The following GCLM variants were observed in gnomAD, a reference collection of about 807,000 sequenced individuals.
The protein encoded by GCLM is glutamate-cysteine ligase modifier subunit, also known as glutamate--cysteine ligase regulatory subunit.
In GCLM, 15 loss-of-function variants were observed where a neutral mutation model predicts 36.0. The observed-to-expected ratio is 0.42, with a 90% CI of 0.28 to 0.64. The LOEUF (loss-of-function observed/expected upper bound fraction) is 0.64, where lower values mean the gene tolerates loss of function less well. Among genes scored for constraint, GCLM ranks in the 30% least tolerant of loss-of-function variants. The pLI is 0.25. For missense variants in GCLM, 242 were observed against 325.5 expected (o/e 0.74, Z 1.97); for synonymous variants, 129 against 122.8 (o/e 1.05, Z -0.34).
At chr1:93,889,191 C>T (rs755118648) in intron 6 of GCLM, 32 bp from the exon 7 acceptor site, 5 of 1,482,626 alleles carry the variant, frequency 3.4e-6, no homozygotes, top group Admixed American at 2.6e-5. Context: ...AAAACTCCAG[C>T]GTGTTAAATT....
At position 93,885,495 on chromosome 1, in the gene GCLM, T is replaced by C. The variant is rs965181640; in HGVS notation, c.*3495A>G. The stretch of plus-strand genomic sequence containing the variant: ...TTCCTATGTTTCTAATTCTGAAAAC[T>C]ATAAAAATATTAAAGTCATGTTACA... On this transcript the variant is annotated 3_prime_UTR_variant, in exon 7 of 7. Transcript: ENST00000370238. 1.4e-5 allele frequency: 2 copies of C among 140,938 alleles called. No individual in the cohort carries two copies. Among genetic ancestry groups the C allele is most frequent in the Non-Finnish European group, 3.2e-5 (2 of 63,198 alleles). The allele number at this position is 140,938 out of a possible 1,614,324, so 8.7% of individuals were successfully genotyped here.
At position 93,897,828 on chromosome 1, in the gene GCLM, T is replaced by C. The variant is rs1365531424; in HGVS notation, c.337+11A>G. 2 of 1,497,316 alleles carry C rather than the reference T, an allele frequency of 1.3e-6. No individual in the cohort carries two copies. Among genetic ancestry groups the C allele is most frequent in the Non-Finnish European group, 1.8e-6 (2 of 1,106,584 alleles). 92.8% of individuals were successfully genotyped at this position (1,497,316 alleles called of 1,614,324 possible). On this transcript the variant is annotated intron_variant, in intron 4 of 6. Coordinates refer to ENST00000370238, the MANE Select transcript of GCLM (RefSeq NM_002061.4). ...TCCACTATTAAGATAAAAAATTCAG[T>C]TTTTGCTTACCCATGTCAACTGCAC...
At chr1:93,894,828 G>GA (rs928303286) in intron 5 of GCLM, 100 bp from the exon 6 acceptor site, 5 of 632,618 alleles carry the variant, frequency 7.9e-6, no homozygotes, top group African/African-American at 7.4e-5. Flanking sequence ...TAGAACATAT[G>GA]AAAAATCACA....
intron 1 of GCLM, among the ~76,000 whole-genome samples, chr1:93,905,545 G>A (rs1314451550): frequency 6.6e-6 from 1 of 152,132 alleles, no homozygotes; most frequent in African/African-American, 2.4e-5. Context: ...TGACACTCCA[G>A]AAGTCATTTC....
chr1:93,901,146 G>GT (rs544353776), intron 3 of GCLM, among the ~76,000 whole-genome samples: 98 of 152,292 alleles, frequency 6.4e-4, no homozygotes, highest in African/African-American at 2.3e-3. Flanking sequence ...GGGTGTTACA[G>GT]TATTTTCTTT....
In GCLM at chr1:93,909,050, C is replaced by G. The variant is rs1024281562; in HGVS notation, c.114G>C (p.Thr38=). ...WGRLRKKCPS[T]HSEELHDCIQ... Reference sequence around the variant, plus strand: ...TCGCCACGCTCACCTCCTCGCTGTGCGTGGACGGGCACTTCTTCCGCAGGC... The same window carrying G: ...TCGCCACGCTCACCTCCTCGCTGTGGGTGGACGGGCACTTCTTCCGCAGGC... Residue 38 remains threonine, a synonymous_variant, in exon 1 of 7, where the codon ACG becomes ACC. Coordinates refer to ENST00000370238, the MANE Select transcript of GCLM (RefSeq NM_002061.4). 6.8e-7 allele frequency: 1 copy of G among 1,471,988 alleles called. No homozygotes were observed. The highest frequency in any genetic ancestry group is 9.0e-7 in the Non-Finnish European group (1 of 1,117,032). The allele number at this position is 1,471,988 out of a possible 1,614,324, so 91.2% of individuals were successfully genotyped here.
chr1:93,895,406 T>C (rs1160417734), intron 5 of GCLM, among the ~76,000 whole-genome samples: 1 of 152,178 alleles, frequency 6.6e-6, no homozygotes, highest in Non-Finnish European at 1.5e-5. Context: ...TGTTAGTTTG[T>C]TAAGTGTGAT....
chr1:93,900,354 C>T (rs777163386), intron 3 of GCLM, among the ~76,000 whole-genome samples: 5 of 121,332 alleles, frequency 4.1e-5, no homozygotes, highest in African/African-American at 8.4e-5. Flanking sequence ...AATCTCAAGC[C>T]CTCTAGGAAC....
Position 93,889,032 on chromosome 1 carries a change from T to C in GCLM, c.783A>G (p.Lys261=). 1.2e-6 allele frequency: 2 copies of C among 1,600,870 alleles called. No individual in the cohort carries two copies. The highest frequency in any genetic ancestry group is 1.1e-5 in the South Asian group (1 of 89,082). ...SVIVKSRGII[K]SKGYILQAKR... is the part of the protein sequence containing the mutation. ...TAGCTTGTAAAATGTAGCCTTTTGA[T>C]TTGATAATTCCTCTACTTTTCACAA... Residue 261 remains lysine (K), a synonymous_variant, in exon 7 of 7, where the codon AAA becomes AAG. Transcript: ENST00000370238.
In GCLM at chr1:93,886,666, T is replaced by C. The variant is rs1228577080; in HGVS notation, c.*2324A>G. 6.9e-6 allele frequency: 1 copy of C among 145,640 alleles called. No homozygotes were observed. The highest frequency in any genetic ancestry group is 1.5e-5 in the Non-Finnish European group (1 of 67,180). 9.0% of individuals were successfully genotyped at this position (145,640 alleles called of 1,614,324 possible). On this transcript the variant is annotated 3_prime_UTR_variant, in exon 7 of 7. Transcript: ENST00000370238. ...CCAAAAAGCTCTGCTGAAGTTTAGA[T>C]ACATTAGCAACTAAGTTTTTTTTTC... is the stretch of plus-strand genomic sequence containing the variant.
At chr1:93,909,014 C>T in intron 1 of GCLM, 24 bp downstream of exon 1, 1 of 1,439,152 alleles carries the variant, frequency 6.9e-7, no homozygotes, top group Non-Finnish European at 9.1e-7. Context: ...CCGGGAGCCC[C>T]GCGGCGAGTG....
At chr1:93,897,921 C>T in intron 3 of GCLM, 23 bp from the exon 4 acceptor site, 3 of 1,374,088 alleles carry the variant, frequency 2.2e-6, no homozygotes, top group Non-Finnish European at 3.0e-6. Flanking sequence ...GAAAACAAAA[C>T]TGATTACTAC....
chr1:93,890,475 G>A (rs1261645356), intron 6 of GCLM, among the ~76,000 whole-genome samples: 4 of 152,030 alleles, frequency 2.6e-5, no homozygotes, highest in Non-Finnish European at 5.9e-5. Flanking sequence ...TTTTAAAAAT[G>A]AAAACACCAA....
chr1:93,909,163 T>TG lies in GCLM; in HGVS notation c.-1dup, dbSNP rs1399150608. 3.4e-5 allele frequency: 45 copies of TG among 1,321,322 alleles called. No homozygotes were observed. Among genetic ancestry groups the TG allele is most frequent in the Non-Finnish European group, 4.2e-5 (43 of 1,034,294 alleles). The allele number at this position is 1,321,322 out of a possible 1,614,324, so 81.8% of individuals were successfully genotyped here. ...TTGGCCGCGCGGCTGTCGGTGCCCA[T>TG]GGCAGCGGCCGCCCAGGGGCCGCGC... On this transcript the variant is annotated 5_prime_UTR_variant, in exon 1 of 7. Transcript: ENST00000370238.
Position 93,887,836 on chromosome 1 carries a change from GGA to G in GCLM, c.*1152_*1153del, listed in dbSNP as rs1037339611. The G allele has an allele frequency of 1.3e-5, 2 of 152,120 alleles. No individual in the cohort carries two copies. Among genetic ancestry groups the G allele is most frequent in the African/African-American group, 4.8e-5 (2 of 41,416 alleles). 9.4% of individuals were successfully genotyped at this position (152,120 alleles called of 1,614,324 possible). On this transcript the variant is annotated 3_prime_UTR_variant, in exon 7 of 7. Transcript: ENST00000370238. ...TACAGACACAAATTTATAGAATTAAGGAGATTTATAGTGTACATCAAAGTTCA... is the reference window on the plus strand; with the variant it reads ...TACAGACACAAATTTATAGAATTAAGGATTTATAGTGTACATCAAAGTTCA...
At chr1:93,896,921 C>A in intron 4 of GCLM, 101 bp from the exon 5 acceptor site, 2 of 680,948 alleles carry the variant, frequency 2.9e-6, no homozygotes, top group Non-Finnish European at 5.2e-6. Context: ...CCATATTCTT[C>A]ACTTGTTTTC....
At position 93,895,012 on chromosome 1, in the gene GCLM, C is replaced by CT. The variant is rs562917011; in HGVS notation, c.541-285dup. ...GAACGAAAAAGCCAACAGTACTACACTTTTTTTTTTTTTTTTTTTTGAGAT... is the reference window on the plus strand; with the variant it reads ...GAACGAAAAAGCCAACAGTACTACACTTTTTTTTTTTTTTTTTTTTTGAGAT... On this transcript the variant is annotated intron_variant, in intron 5 of 6. Transcript: ENST00000370238. 2.5e-3 allele frequency among the ~76,000 whole-genome samples: 326 copies of CT among 128,058 alleles called. 2 individuals are homozygous for CT. The highest frequency in any genetic ancestry group is 8.5e-3 in the Middle Eastern group (2 of 236). 84.0% of individuals were successfully genotyped at this position (128,058 alleles called of 152,430 possible). A position where few individuals can be genotyped will look rare whatever the true frequency, so the allele number is the denominator to read the frequency against.
intron 5 of GCLM, among the ~76,000 whole-genome samples, chr1:93,896,325 A>G (rs1656732172): frequency 6.6e-6 from 1 of 152,166 alleles, no homozygotes; most frequent in Non-Finnish European, 1.5e-5. Flanking sequence ...AATGGCCTTA[A>G]TTCATTTGGT....
intron 1 of GCLM, among the ~76,000 whole-genome samples, chr1:93,905,485 A>G (rs1657114374): frequency 1.3e-5 from 2 of 152,176 alleles, no homozygotes; most frequent in South Asian, 4.1e-4. Flanking sequence ...TACGTACTCT[A>G]AAGTCTGAGA....
Sources: allele counts gnomAD v4.1 joint callset (sites outside exome capture counted in the v4.1 genomes callset), GRCh38; gene constraint gnomAD v4.1.1; transcripts MANE v1.5; gene names NCBI Gene and HGNC (gene_info 2026-07-23, HGNC 2026-07-21).